CXCL3: variants seen among roughly 807,000 people sequenced by gnomAD.
CXCL3 encodes C-X-C motif chemokine ligand 3.
In CXCL3, 10 loss-of-function variants were observed where a neutral mutation model predicts 11.5. The observed-to-expected ratio is 0.87, with a 90% CI of 0.54 to 1.48. The LOEUF is 1.48. Ranked by LOEUF, CXCL3 falls within the 40% of genes most tolerant of loss-of-function variation. The pLI is 0.00. For synonymous variants in CXCL3, 61 were observed against 60.9 expected, an observed-to-expected ratio of 1.00 and a Z score of -0.01; for missense variants, 149 against 139.1, an observed-to-expected ratio of 1.07 and a Z score of -0.36.
In CXCL3 at chr4:74,036,998, A is replaced by C; in HGVS notation, c.*264T>G. 1 of 358,444 alleles carries C rather than the reference A, an allele frequency of 2.8e-6. No homozygotes were observed. The highest frequency in any genetic ancestry group is 5.1e-5 in the East Asian group (1 of 19,534). The allele number at this position is 358,444 out of a possible 1,614,324, so 22.2% of individuals were successfully genotyped here. ...CACATTTAAAACCCATCATATTCCAATTAAATAATCAGGACTGAGCTATGT... is the reference window on the plus strand; with the variant it reads ...CACATTTAAAACCCATCATATTCCACTTAAATAATCAGGACTGAGCTATGT... On this transcript the variant is annotated 3_prime_UTR_variant, in exon 4 of 4. Coordinates refer to ENST00000296026, the MANE Select transcript of CXCL3 (RefSeq NM_002090.3).
intron 3 of CXCL3, 122 bp downstream of exon 3, chr4:74,037,971 A>C: frequency 1.0e-6 from 1 of 1,002,182 alleles, no homozygotes; most frequent in African/African-American, 1.6e-5. Flanking sequence ...TGAAAATAAT[A>C]ATCACAATTT....
chr4:74,037,385 C>T, intron 3 of CXCL3, 108 bp from the exon 4 acceptor site: 1 of 1,357,728 alleles, frequency 7.4e-7, no homozygotes, highest in Non-Finnish European at 1.0e-6. Flanking sequence ...CCCAGCCCTC[C>T]ACTCAGGGAA....
chr4:74,038,294 CTT>C lies in CXCL3; in HGVS notation c.218_219del (p.Glu73GlyfsTer40). ...GAAGCGCGGGGCGGGACTTACATGA[CTT>C]CGGTTTGGGCGCAGTGGGGTCCGGG... ...RSPGPHCAQTEVIATLKNGKK... is the reference protein window; with the variant it reads ...RSPGPHCAQTXVIATLKNGKK... On this transcript the variant is annotated frameshift_variant, in exon 2 of 4. Transcript: ENST00000296026. LOFTEE classifies it high-confidence loss of function. 2 of 1,614,012 alleles carry C rather than the reference CTT, an allele frequency of 1.2e-6. No individual in the cohort carries two copies. Among genetic ancestry groups the C allele is most frequent in the Non-Finnish European group, 1.7e-6 (2 of 1,179,958 alleles).
chr4:74,037,953 TTTAA>T, intron 3 of CXCL3, 136 bp downstream of exon 3: 1 of 922,086 alleles, frequency 1.1e-6, no homozygotes, highest in Non-Finnish European at 1.7e-6. Context: ...TAATGGCAAC[TTTAA>T]TTGTGAAAAT....
chr4:74,037,173 C>T lies in CXCL3; in HGVS notation c.*89G>A. The T allele has an allele frequency of 5.4e-6, 8 of 1,493,468 alleles. No homozygotes were observed. Among genetic ancestry groups the T allele is most frequent in the Non-Finnish European group, 7.4e-6 (8 of 1,077,152 alleles). The allele number at this position is 1,493,468 out of a possible 1,614,324, so 92.5% of individuals were successfully genotyped here. A position where few individuals can be genotyped will look rare whatever the true frequency, so the allele number is the denominator to read the frequency against. On this transcript the variant is annotated 3_prime_UTR_variant, in exon 4 of 4. Transcript: ENST00000296026. ...CAGCTGTCCCTAGAAAGCTGCTGTT[C>T]TCTTTTTCATTTTCAGCTCTGGTAA... is the stretch of plus-strand genomic sequence containing the variant.
At chr4:74,037,989 T>C (rs1336850911) in intron 3 of CXCL3, 104 bp downstream of exon 3, 1 of 1,169,790 alleles carries the variant, frequency 8.5e-7, no homozygotes, top group Non-Finnish European at 1.2e-6. Context: ...TTTCTAGTCC[T>C]TCAGCTAACT....
intron 3 of CXCL3, 60 bp from the exon 4 acceptor site, chr4:74,037,337 T>C: frequency 1.2e-6 from 2 of 1,608,114 alleles, no homozygotes; most frequent in Admixed American, 1.7e-5. Context: ...TCTGTCACTC[T>C]GAAGTTGCTT....
chr4:74,038,197 C>G, intron 2 of CXCL3, 21 bp from the exon 3 acceptor site: 1 of 1,613,880 alleles, frequency 6.2e-7, no homozygotes, highest in Non-Finnish European at 8.5e-7. Context: ...AAGGGAATTC[C>G]GTGAGACAGG....
In CXCL3 at chr4:74,037,223, T is replaced by C; in HGVS notation, c.*39A>G. On this transcript the variant is annotated 3_prime_UTR_variant, in exon 4 of 4. Transcript: ENST00000296026. ...AGGGCAGGGACCACCCTGCAGGAAG[T>C]GTCAATGATACGCTGATAAGCTTCT... is the stretch of plus-strand genomic sequence containing the variant. 1 of 1,613,552 alleles carries C rather than the reference T, an allele frequency of 6.2e-7. No homozygotes were observed.
At chr4:74,037,437 A>G in intron 3 of CXCL3, 160 bp from the exon 4 acceptor site, 1 of 437,332 alleles carries the variant, frequency 2.3e-6, no homozygotes, top group Non-Finnish European at 3.7e-6. Context: ...GAAAACTTGC[A>G]CTCCTGAATG....
In CXCL3 at chr4:74,036,810, T is replaced by TA. The variant is rs551729161; in HGVS notation, c.*451dup. ...TAAATAACAACTGACATTCTTTTTT[T>TA]AAAAAAAAAGTATAAAAAATAGATG... On this transcript the variant is annotated 3_prime_UTR_variant, in exon 4 of 4. Coordinates refer to ENST00000296026, the MANE Select transcript of CXCL3 (RefSeq NM_002090.3). 198 of 152,370 alleles carry TA rather than the reference T, an allele frequency of 1.3e-3. No individual in the cohort carries two copies. In the East Asian group the frequency reaches 0.013, roughly 10 times the overall value. 9.4% of individuals were successfully genotyped at this position (152,370 alleles called of 1,614,324 possible).
intron 3 of CXCL3, 87 bp downstream of exon 3, chr4:74,038,006 G>A (rs1720032726): frequency 2.2e-6 from 3 of 1,359,370 alleles, no homozygotes; most frequent in Admixed American, 2.0e-5. Context: ...AACTCTTGGG[G>A]TTCCCTGATT....
At chr4:74,037,414 G>T in intron 3 of CXCL3, 137 bp from the exon 4 acceptor site, 2 of 774,524 alleles carry the variant, frequency 2.6e-6, no homozygotes, top group South Asian at 1.9e-5. Context: ...TGTACCCACT[G>T]CCTTCTATAG....
At chr4:74,037,414 G>GC in intron 3 of CXCL3, 137 bp from the exon 4 acceptor site, 1 of 774,534 alleles carries the variant, frequency 1.3e-6, no homozygotes, top group Non-Finnish European at 2.0e-6. Flanking sequence ...TGTACCCACT[G>GC]CCTTCTATAG....
chr4:74,037,213 C>T lies in CXCL3; in HGVS notation c.*49G>A. ...AGCTCTGGTAAGGGCAGGGACCACCCTGCAGGAAGTGTCAATGATACGCTG... is the reference window on the plus strand; with the variant it reads ...AGCTCTGGTAAGGGCAGGGACCACCTTGCAGGAAGTGTCAATGATACGCTG... On this transcript the variant is annotated 3_prime_UTR_variant, in exon 4 of 4. Coordinates refer to ENST00000296026, the MANE Select transcript of CXCL3 (RefSeq NM_002090.3). The T allele has an allele frequency of 6.2e-7, 1 of 1,612,846 alleles. No homozygotes were observed. Among genetic ancestry groups the T allele is most frequent in the Non-Finnish European group, 8.5e-7 (1 of 1,178,952 alleles).
chr4:74,037,967 T>G, intron 3 of CXCL3, 126 bp downstream of exon 3: 1 of 1,003,426 alleles, frequency 1.0e-6, no homozygotes, highest in Non-Finnish European at 1.5e-6. Flanking sequence ...ATTGTGAAAA[T>G]AATAATCACA....
rs201123855 is a variant in CXCL3 at position 74,038,110 on chromosome 4, G to C, written c.291C>G (p.Ile97Met). 1 of 1,614,038 alleles carries C rather than the reference G, an allele frequency of 6.2e-7. No homozygotes were observed. The highest frequency in any genetic ancestry group is 8.5e-7 in the Non-Finnish European group (1 of 1,179,978). ...NPASPMVQKI[I>M]EKILNKGSTN Reference sequence around the variant, plus strand: ...CAACTCACTTGTTCAGTATCTTTTCGATGATTTTCTGAACCATGGGGGATG... The same window carrying C: ...CAACTCACTTGTTCAGTATCTTTTCCATGATTTTCTGAACCATGGGGGATG... The change falls in exon 3 of 4, where the codon ATC (isoleucine) becomes ATG (methionine). Residue 97 changes from isoleucine (I) to methionine (M), a missense_variant. Transcript: ENST00000296026.
At chr4:74,037,992 A>G (rs1445888900) in intron 3 of CXCL3, 101 bp downstream of exon 3, 2 of 1,199,866 alleles carry the variant, frequency 1.7e-6, no homozygotes, top group Non-Finnish European at 2.4e-6. Context: ...CTAGTCCTTC[A>G]GCTAACTCTT....
At chr4:74,037,401 G>T in intron 3 of CXCL3, 124 bp from the exon 4 acceptor site, 1 of 1,045,178 alleles carries the variant, frequency 9.6e-7, no homozygotes, top group African/African-American at 1.6e-5. Flanking sequence ...GGGAAGGTCT[G>T]TCTGTACCCA....
Sources: allele counts gnomAD v4.1 joint callset, GRCh38; gene constraint gnomAD v4.1.1; transcripts MANE v1.5; gene names NCBI Gene and HGNC (gene_info 2026-07-23, HGNC 2026-07-21).